The following XPR1 variants were observed in gnomAD, a reference collection of about 807,000 sequenced individuals.
The protein encoded by XPR1 is solute carrier family 53 member 1.
XPR1 carries 28 observed loss-of-function variants against 87.5 expected under a neutral mutation model. The observed-to-expected ratio is 0.32, with a 90% CI of 0.24 to 0.44. XPR1 has a LOEUF of 0.44. XPR1 is among the 20% of genes least tolerant of loss of function. The pLI is 1.00. For synonymous variants in XPR1, 300 were observed against 306.1 expected, an observed-to-expected ratio of 0.98 and a Z score of 0.21; for missense variants, 559 against 862.3, an observed-to-expected ratio of 0.65 and a Z score of 4.41.
intron 3 of XPR1, among the ~76,000 whole-genome samples, chr1:180,790,130 G>A (rs1328561206): frequency 6.6e-6 from 1 of 151,944 alleles, no homozygotes; most frequent in African/African-American, 2.4e-5. Context: ...TATTATATCT[G>A]CATCTCTCTC....
At chr1:180,774,160 A>G (rs1470162698) in intron 2 of XPR1, among the ~76,000 whole-genome samples, 2 of 152,170 alleles carry the variant, frequency 1.3e-5, no homozygotes, top group East Asian at 1.9e-4. Flanking sequence ...GTCCCAGAAT[A>G]TAGAGGAAGA....
At chr1:180,766,505 A>T (rs920666948) in intron 2 of XPR1, among the ~76,000 whole-genome samples, 76 of 152,302 alleles carry the variant, frequency 5.0e-4, no homozygotes, top group African/African-American at 1.7e-3. Flanking sequence ...TTGAGATGTA[A>T]ACTAAAGGGA....
chr1:180,885,518 C>T lies in XPR1; in HGVS notation c.*1452C>T, dbSNP rs564851369. 6.6e-6 allele frequency: 1 copy of T among 152,260 alleles called. No homozygotes were observed. Among genetic ancestry groups the T allele is most frequent in the African/African-American group, 2.4e-5 (1 of 41,556 alleles). The allele number at this position is 152,260 out of a possible 1,614,324, so 9.4% of individuals were successfully genotyped here. ...TTAGTCATCCAAATAAGCCTGAAAA[C>T]CATAAGAGATATTACTTTATTGAAT... On this transcript the variant is annotated 3_prime_UTR_variant, in exon 15 of 15. Transcript: ENST00000367590.
At chr1:180,807,729 G>A (rs1377837189) in intron 6 of XPR1, among the ~76,000 whole-genome samples, 1 of 152,220 alleles carries the variant, frequency 6.6e-6, no homozygotes, top group Non-Finnish European at 1.5e-5. Context: ...TGGAGGCCAG[G>A]CACGATGGCT....
rs1171768124 is a variant in XPR1, at chr1:180,682,203, G to A, written c.70-157G>A. On this transcript the variant is annotated intron_variant, in intron 1 of 14. Transcript: ENST00000367590. ...TACTGGATTGATGTGAAGTTATAAT[G>A]TTTGGATTTTAGTTTATAAATGTTA... Among the ~76,000 whole-genome samples, 4 of 152,162 alleles carry A rather than the reference G, an allele frequency of 2.6e-5. No homozygotes were observed. The East Asian group carries it at 7.7e-4, about 29-fold the overall frequency.
At chr1:180,780,914 A>G (rs923389670) in intron 2 of XPR1, among the ~76,000 whole-genome samples, 1 of 152,020 alleles carries the variant, frequency 6.6e-6, no homozygotes, top group Non-Finnish European at 1.5e-5. Context: ...CCTTTTAAGC[A>G]GAAAAGTTTT....
chr1:180,692,728 ACTT>A (rs962075998), intron 2 of XPR1, among the ~76,000 whole-genome samples: 9 of 152,168 alleles, frequency 5.9e-5, no homozygotes, highest in Non-Finnish European at 5.9e-5. Flanking sequence ...AGAAATATCT[ACTT>A]CTTTTTCACA....
intron 2 of XPR1, among the ~76,000 whole-genome samples, chr1:180,766,928 T>G (rs1450487776): frequency 1.3e-5 from 2 of 152,202 alleles, no homozygotes; most frequent in Non-Finnish European, 2.9e-5. Context: ...GATAATTACA[T>G]TTGTCCCATA....
intron 2 of XPR1, among the ~76,000 whole-genome samples, chr1:180,787,443 C>A (rs1321936354): frequency 1.3e-5 from 2 of 151,998 alleles, no homozygotes; most frequent in East Asian, 3.9e-4. Context: ...CCACACCCAG[C>A]TAATTTTTAT....
At chr1:180,695,853 G>A (rs1253495646) in intron 2 of XPR1, among the ~76,000 whole-genome samples, 1 of 152,114 alleles carries the variant, frequency 6.6e-6, no homozygotes, top group Non-Finnish European at 1.5e-5. Context: ...ATACTTTGAA[G>A]TCAGGTAGTG....
chr1:180,787,869 G>GA lies in XPR1; in HGVS notation c.223+16dup. 2 of 1,567,714 alleles carry GA rather than the reference G, an allele frequency of 1.3e-6. No homozygotes were observed. The highest frequency in any genetic ancestry group is 3.7e-5 in the Admixed American group (2 of 54,756). The stretch of plus-strand genomic sequence containing the variant: ...ATTTTATTCAGGTGAGTAATTAAGA[G>GA]ACTTTTTTTTTTGCTGCCGGGGAAG... On this transcript the variant is annotated intron_variant, in intron 3 of 14. Coordinates refer to ENST00000367590, the MANE Select transcript of XPR1 (RefSeq NM_004736.4).
intron 3 of XPR1, among the ~76,000 whole-genome samples, chr1:180,802,719 A>C (rs948664946): frequency 6.6e-6 from 1 of 152,094 alleles, no homozygotes; most frequent in Non-Finnish European, 1.5e-5. Flanking sequence ...GCAGTAATCT[A>C]CTTTCTTTCT....
At chr1:180,826,752 A>G (rs541190863) in intron 9 of XPR1, among the ~76,000 whole-genome samples, 1 of 152,036 alleles carries the variant, frequency 6.6e-6, no homozygotes, top group African/African-American at 2.4e-5. Context: ...TGCAGTTCCT[A>G]TTGTTTTTCT....
At chr1:180,739,795 CA>C (rs1474193563) in intron 2 of XPR1, among the ~76,000 whole-genome samples, 17 of 152,112 alleles carry the variant, frequency 1.1e-4, no homozygotes, top group African/African-American at 3.6e-4. Context: ...GGCTGGAGTT[CA>C]GTAGCATGAT....
intron 6 of XPR1, among the ~76,000 whole-genome samples, chr1:180,810,416 A>G (rs1650165555): frequency 6.6e-6 from 1 of 152,076 alleles, no homozygotes; most frequent in African/African-American, 2.4e-5. Context: ...CCTCATCTCT[A>G]CAAAAAATAC....
chr1:180,810,958 C>T (rs183793997), intron 6 of XPR1, among the ~76,000 whole-genome samples: 2 of 152,156 alleles, frequency 1.3e-5, no homozygotes, highest in East Asian at 3.9e-4. Flanking sequence ...TGTACACATC[C>T]TCTTAAATAC....
At chr1:180,817,712 G>T (rs1367270191) in intron 7 of XPR1, among the ~76,000 whole-genome samples, 1 of 152,104 alleles carries the variant, frequency 6.6e-6, no homozygotes, top group East Asian at 1.9e-4. Context: ...CAGACACAAA[G>T]AATACATATT....
intron 2 of XPR1, among the ~76,000 whole-genome samples, chr1:180,770,442 C>A (rs929057940): frequency 1.3e-5 from 2 of 152,108 alleles, no homozygotes; most frequent in Non-Finnish European, 2.9e-5. Flanking sequence ...CATAAGGGCT[C>A]TATCCCCACG....
At chr1:180,806,336 AT>A (rs139348916) in intron 5 of XPR1, 125 bp downstream of exon 5, 7 of 1,457,838 alleles carry the variant, frequency 4.8e-6, no homozygotes, top group Admixed American at 2.2e-5. Context: ...CTTACCTGTG[AT>A]TTTTTTTCAT....
Sources: gnomAD v4.1 joint callset for allele counts (sites outside exome capture counted in the v4.1 genomes callset) on GRCh38, gnomAD v4.1.1 for gene constraint, MANE v1.5 for transcripts, NCBI Gene and HGNC (gene_info 2026-07-23, HGNC 2026-07-21) for gene names.